Variants in ADAMTS16 observed in about 807,000 individuals in gnomAD.
ADAMTS16 encodes ADAM metallopeptidase with thrombospondin type 1 motif 16.
A neutral mutation model predicts 145.8 loss-of-function variants in ADAMTS16; 94 were observed. The observed-to-expected ratio is 0.64, with a 90% CI of 0.55 to 0.77. The LOEUF (loss-of-function observed/expected upper bound fraction) is 0.77, where lower values mean the gene tolerates loss of function less well. Ranked by LOEUF, ADAMTS16 falls within the 30% of genes least tolerant of loss-of-function variation. ADAMTS16 has a pLI of 0.00. For missense variants in ADAMTS16, 1,585 were observed against 1,591.5 expected (o/e 1.00, Z 0.07); for synonymous variants, 659 against 604.3 (o/e 1.09, Z -1.33).
At chr5:5,229,697 G>A (rs901375958) in intron 11 of ADAMTS16, among the ~76,000 whole-genome samples, 3 of 152,138 alleles carry the variant, frequency 2.0e-5, no homozygotes, top group African/African-American at 7.2e-5. Flanking sequence ...TATGACATTA[G>A]CATATTTTTC....
At chr5:5,186,335 T>C in intron 5 of ADAMTS16, 84 bp downstream of exon 5, 1 of 1,273,134 alleles carries the variant, frequency 7.9e-7, no homozygotes, top group Non-Finnish European at 1.1e-6. Context: ...TGTGTGTGTG[T>C]TTCCATTTTA....
chr5:5,249,072 G>T (rs1157415943), intron 17 of ADAMTS16, among the ~76,000 whole-genome samples: 1 of 152,176 alleles, frequency 6.6e-6, no homozygotes, highest in Non-Finnish European at 1.5e-5. Context: ...TGAGTCTGAG[G>T]TGATGGCTGA....
intron 17 of ADAMTS16, among the ~76,000 whole-genome samples, chr5:5,250,201 A>G (rs2964417): frequency 0.99 from 151,313 of 152,248 alleles, 75,195 homozygotes; most frequent in Middle Eastern, 1. Flanking sequence ...TGGAGCCCTC[A>G]CCAGGAACCT....
chr5:5,242,124 GCC>G lies in ADAMTS16; in HGVS notation c.2599_2600del (p.Pro867CysfsTer13). ...SMPRLGTEKQ[P>X]PAQPSYTWAI... ...TGCCTCGCTTGGGGACCGAGAAGCAGCCCCCTGCCCAGCCCAGCTACACTTGG... is the reference window on the plus strand; with the variant it reads ...TGCCTCGCTTGGGGACCGAGAAGCAGCCCTGCCCAGCCCAGCTACACTTGG... On this transcript the variant is annotated frameshift_variant, in exon 17 of 23. Transcript: ENST00000274181. LOFTEE classifies it high-confidence loss of function. 1.2e-6 allele frequency: 2 copies of G among 1,614,164 alleles called. No homozygotes were observed. The highest frequency in any genetic ancestry group is 1.7e-6 in the Non-Finnish European group (2 of 1,180,036).
intron 21 of ADAMTS16, among the ~76,000 whole-genome samples, chr5:5,313,836 A>T (rs1740557888): frequency 6.6e-6 from 1 of 152,248 alleles, no homozygotes; most frequent in Non-Finnish European, 1.5e-5. Flanking sequence ...AGGCTGGGTG[A>T]ACGCTGCGCA....
intron 18 of ADAMTS16, among the ~76,000 whole-genome samples, chr5:5,271,244 G>A (rs998024883): frequency 6.6e-6 from 1 of 152,238 alleles, no homozygotes; most frequent in Non-Finnish European, 1.5e-5. Context: ...AGGGGGCAGG[G>A]TGTTGGGTGT....
At chr5:5,144,455 T>C (rs1734244002) in intron 2 of ADAMTS16, among the ~76,000 whole-genome samples, 4 of 152,250 alleles carry the variant, frequency 2.6e-5, no homozygotes, top group Admixed American at 2.6e-4. Context: ...GGTATTCCTT[T>C]CTATAGCTTT....
intron 21 of ADAMTS16, among the ~76,000 whole-genome samples, chr5:5,314,423 T>A (rs929649066): frequency 6.6e-6 from 1 of 152,192 alleles, no homozygotes; most frequent in Admixed American, 6.5e-5. Flanking sequence ...TGTTTGGAAG[T>A]CACCAAGGGA....
intron 16 of ADAMTS16, among the ~76,000 whole-genome samples, chr5:5,240,667 C>T (rs145615166): frequency 2.1e-3 from 316 of 152,276 alleles, no homozygotes; most frequent in Non-Finnish European, 3.2e-3. Context: ...TTCCCTGGGA[C>T]AGGCCGCCCT....
chr5:5,239,920 G>C lies in ADAMTS16; in HGVS notation c.2518G>C (p.Val840Leu). Residue 840 changes from valine to leucine, a missense_variant, in exon 16 of 23, where the codon GTG becomes CTG. Physicochemically the swap from Val to Leu is conservative, Grantham distance 32. This residue lies in a region of ADAMTS16 where 834 missense variants were observed against 811.7 expected (regional missense o/e 1.03). Transcript: ENST00000274181. ...TGGACCAACCAACGAGACACTGATT[G>C]TGGAGGTAAAGTCCAGCCTCTTGAT... ...ATGPTNETLIVELLFQGRNPG... is the reference protein window; with the variant it reads ...ATGPTNETLILELLFQGRNPG... 2.5e-6 allele frequency: 4 copies of C among 1,613,752 alleles called. No individual in the cohort carries two copies. The South Asian group carries it at 4.4e-5, about 18-fold the overall frequency.
At chr5:5,225,533 C>T (rs1171252215) in intron 11 of ADAMTS16, among the ~76,000 whole-genome samples, 5 of 151,322 alleles carry the variant, frequency 3.3e-5, no homozygotes, top group Non-Finnish European at 5.9e-5. Context: ...AACCCGGAGA[C>T]GGAGGTTGCA....
intron 9 of ADAMTS16, among the ~76,000 whole-genome samples, chr5:5,206,425 C>CCAAAAAA (rs1736119527): frequency 2.5e-5 from 1 of 39,432 alleles, no homozygotes; most frequent in African/African-American, 1.2e-4. Context: ...GACTCCGTCT[C>CCAAAAAA]AAAAAAAAAA....
At chr5:5,244,307 G>A (rs1737377005) in intron 17 of ADAMTS16, among the ~76,000 whole-genome samples, 1 of 152,128 alleles carries the variant, frequency 6.6e-6, no homozygotes, top group African/African-American at 2.4e-5. Context: ...TCCTTCCCTA[G>A]TATCCCCAGA....
chr5:5,200,218 G>A lies in ADAMTS16; in HGVS notation c.1400G>A (p.Gly467Glu). Reference sequence around the variant, plus strand: ...TCCCCTACATTGGCAGGACGCAATGGAGTCTTCTCCTGGTCACCCTGCAGC... The same window carrying A: ...TCCCCTACATTGGCAGGACGCAATGAAGTCTTCTCCTGGTCACCCTGCAGC... ...IMSPTLAGRN[G>E]VFSWSPCSRQ... The change falls in exon 9 of 23, where the codon GGA (glycine) becomes GAA (glutamate). Residue 467 changes from glycine to glutamate, a missense_variant. By Grantham distance (98) the Gly-to-Glu change is moderately conservative. Around this residue, in one of 3 missense-constraint regions of ADAMTS16, gnomAD observed 298 missense variants for 367.6 expected, o/e 0.81. Transcript: ENST00000274181. 6.2e-7 allele frequency: 1 copy of A among 1,614,060 alleles called. No homozygotes were observed. The highest frequency in any genetic ancestry group is 8.5e-7 in the Non-Finnish European group (1 of 1,179,996).
At chr5:5,213,987 A>G (rs1232352733) in intron 10 of ADAMTS16, among the ~76,000 whole-genome samples, 1 of 152,082 alleles carries the variant, frequency 6.6e-6, no homozygotes, top group African/African-American at 2.4e-5. Flanking sequence ...ACAGGCCTCT[A>G]CTCTGACCTC....
intron 8 of ADAMTS16, among the ~76,000 whole-genome samples, chr5:5,197,068 TG>T (rs1735824624): frequency 1.3e-5 from 2 of 152,240 alleles, no homozygotes; most frequent in African/African-American, 2.4e-5. Flanking sequence ...GTCAGGGCTC[TG>T]GGCAGCTCAG....
At chr5:5,151,630 A>C (rs1031562764) in intron 3 of ADAMTS16, among the ~76,000 whole-genome samples, 1 of 119,688 alleles carries the variant, frequency 8.4e-6, no homozygotes, top group Non-Finnish European at 1.9e-5. Flanking sequence ...CACAATGAGA[A>C]GATTACTACA....
In ADAMTS16 at chr5:5,151,215, C is replaced by CT. The variant is rs1734445665; in HGVS notation, c.501+4762dup. On this transcript the variant is annotated intron_variant, in intron 3 of 22. Transcript: ENST00000274181. Reference sequence around the variant, plus strand: ...TCATGGCTTCCTTTATTTCTTTTCTCTTATTTATTTATTTATTTATTTATT... The same window carrying CT: ...TCATGGCTTCCTTTATTTCTTTTCTCTTTATTTATTTATTTATTTATTTATT... 2.1e-5 allele frequency among the ~76,000 whole-genome samples: 3 copies of CT among 145,778 alleles called. No homozygotes were observed. The East Asian group carries it at 6.0e-4, about 29-fold the overall frequency.
chr5:5,203,042 T>C (rs1475483555), intron 9 of ADAMTS16, among the ~76,000 whole-genome samples: 1 of 152,242 alleles, frequency 6.6e-6, no homozygotes, highest in Non-Finnish European at 1.5e-5. Flanking sequence ...TGAAGTGTGC[T>C]GATGTGTTTT....
Sources: allele counts gnomAD v4.1 joint callset (sites outside exome capture counted in the v4.1 genomes callset), GRCh38; gene constraint gnomAD v4.1.1; regional missense constraint gnomAD v4.1.1; transcripts MANE v1.5; gene names NCBI Gene and HGNC (gene_info 2026-07-23, HGNC 2026-07-21).